Variants in ZNF704 observed in about 807,000 individuals in gnomAD.
ZNF704 encodes the protein glucocorticoid induced gene 1.
ZNF704 carries 10 observed loss-of-function variants against 44.7 expected under a neutral mutation model. The ratio of observed to expected loss-of-function variants is 0.22; its 90% confidence interval spans 0.14 to 0.38. The LOEUF (loss-of-function observed/expected upper bound fraction) is 0.38. ZNF704 is among the 10% of genes least tolerant of loss of function. The probability of loss-of-function intolerance (pLI) is 1.00; values close to 1 mark genes in which losing one functional copy is unlikely to be tolerated. For synonymous variants in ZNF704, 211 were observed against 207.6 expected, an observed-to-expected ratio of 1.02 and a Z score of -0.14; for missense variants, 390 against 545.5, an observed-to-expected ratio of 0.71 and a Z score of 2.84.
At chr8:80,718,793 T>A (rs1463599679) in intron 2 of ZNF704, among the ~76,000 whole-genome samples, 1 of 152,224 alleles carries the variant, frequency 6.6e-6, no homozygotes, top group Non-Finnish European at 1.5e-5. Flanking sequence ...AGCATTATTA[T>A]GCCAACAGCT....
intron 1 of ZNF704, among the ~76,000 whole-genome samples, chr8:80,859,768 G>A (rs2130032946): frequency 6.6e-6 from 1 of 152,210 alleles, no homozygotes; most frequent in Non-Finnish European, 1.5e-5. Flanking sequence ...CTTTGACTGT[G>A]CCTCCTTCTA....
At chr8:80,730,496 G>A (rs940229189) in intron 2 of ZNF704, among the ~76,000 whole-genome samples, 6 of 140,976 alleles carry the variant, frequency 4.3e-5, no homozygotes, top group Non-Finnish European at 9.0e-5. Context: ...CCGAGGTCGT[G>A]CCATTGCACT....
intron 2 of ZNF704, among the ~76,000 whole-genome samples, chr8:80,802,623 T>C (rs1807921133): frequency 6.6e-6 from 1 of 152,122 alleles, no homozygotes; most frequent in Admixed American, 6.5e-5. Flanking sequence ...GAAAAGGCCT[T>C]TGATAAAATT....
intron 2 of ZNF704, chr8:80,749,599 C>T (rs1806906790): frequency 1.3e-5 from 2 of 153,252 alleles, no homozygotes; most frequent in African/African-American, 4.8e-5. Flanking sequence ...TGCCCAACTA[C>T]CAAAAATTAC....
intron 2 of ZNF704, among the ~76,000 whole-genome samples, chr8:80,766,595 T>C (rs994708258): frequency 1.3e-5 from 2 of 152,242 alleles, no homozygotes; most frequent in Non-Finnish European, 2.9e-5. Context: ...GTGGATCCTT[T>C]ATATTGTTTG....
intron 1 of ZNF704, among the ~76,000 whole-genome samples, chr8:80,870,983 G>A (rs1376512362): frequency 1.3e-5 from 2 of 152,022 alleles, no homozygotes; most frequent in African/African-American, 2.4e-5. Context: ...TTACATCATG[G>A]TCTCATCCTG....
intron 2 of ZNF704, among the ~76,000 whole-genome samples, chr8:80,760,732 T>C (rs1443382443): frequency 6.6e-6 from 1 of 151,444 alleles, no homozygotes; most frequent in Non-Finnish European, 1.5e-5. Context: ...AGAGGTTTCA[T>C]TTATAAAGAA....
intron 2 of ZNF704, among the ~76,000 whole-genome samples, chr8:80,750,465 T>C (rs1175837545): frequency 1.3e-5 from 2 of 152,140 alleles, no homozygotes; most frequent in Non-Finnish European, 2.9e-5. Flanking sequence ...AGATAATTTA[T>C]ATCCTTTTCC....
At chr8:80,746,071 G>C (rs1360453351) in intron 2 of ZNF704, among the ~76,000 whole-genome samples, 1 of 152,138 alleles carries the variant, frequency 6.6e-6, no homozygotes, top group East Asian at 1.9e-4. Flanking sequence ...GAAACTGACA[G>C]CTTCTTATAA....
chr8:80,860,957 T>TGG (rs199692985), intron 1 of ZNF704, among the ~76,000 whole-genome samples: 4 of 151,920 alleles, frequency 2.6e-5, no homozygotes, highest in African/African-American at 7.3e-5. Context: ...AGATGGGTGG[T>TGG]GGGGGGGCAG....
At chr8:80,669,916 A>C (rs1007265108) in intron 5 of ZNF704, among the ~76,000 whole-genome samples, 1 of 152,202 alleles carries the variant, frequency 6.6e-6, no homozygotes, top group Non-Finnish European at 1.5e-5. Context: ...AAAAGTACAG[A>C]TTTTACAAAT....
intron 6 of ZNF704, among the ~76,000 whole-genome samples, chr8:80,663,150 T>A (rs1012755338): frequency 6.6e-6 from 1 of 151,940 alleles, no homozygotes; most frequent in African/African-American, 2.4e-5. Flanking sequence ...GAGGCCAACA[T>A]GGGAGGACTG....
At chr8:80,754,477 C>T (rs559076369) in intron 2 of ZNF704, among the ~76,000 whole-genome samples, 70 of 152,232 alleles carry the variant, frequency 4.6e-4, no homozygotes, top group Admixed American at 7.8e-4. Flanking sequence ...CTTAAAATTA[C>T]GAAATGATAT....
intron 1 of ZNF704, among the ~76,000 whole-genome samples, chr8:80,822,797 G>A (rs1188251098): frequency 2.6e-5 from 4 of 152,224 alleles, no homozygotes; most frequent in Non-Finnish European, 5.9e-5. Context: ...CTGATGACCA[G>A]TGATGATGAG....
chr8:80,786,096 T>TA (rs145226007), intron 2 of ZNF704, among the ~76,000 whole-genome samples: 9,167 of 151,952 alleles, frequency 0.06, 317 homozygotes, highest in Middle Eastern at 0.13. Flanking sequence ...TCTGTCTCTA[T>TA]AAAAAAACCC....
At chr8:80,782,516 G>A (rs1182880688) in intron 2 of ZNF704, among the ~76,000 whole-genome samples, 1 of 152,142 alleles carries the variant, frequency 6.6e-6, no homozygotes, top group East Asian at 1.9e-4. Flanking sequence ...ATGTCCAGAT[G>A]AATACAAGAG....
At chr8:80,779,786 G>A (rs1334399767) in intron 2 of ZNF704, among the ~76,000 whole-genome samples, 8 of 151,656 alleles carry the variant, frequency 5.3e-5, no homozygotes, top group Admixed American at 4.6e-4. Flanking sequence ...CAGGATAACC[G>A]TCTTTTTTAA....
chr8:80,759,783 T>A (rs907712535), intron 2 of ZNF704, among the ~76,000 whole-genome samples: 3 of 151,146 alleles, frequency 2.0e-5, no homozygotes, highest in African/African-American at 7.3e-5. Context: ...TGGGACAGGA[T>A]CTTGCTCTGT....
intron 2 of ZNF704, among the ~76,000 whole-genome samples, chr8:80,799,325 T>C (rs1336667481): frequency 1.3e-5 from 2 of 152,242 alleles, no homozygotes; most frequent in Non-Finnish European, 2.9e-5. Flanking sequence ...TGTTTTATAA[T>C]TGAATTGAAT....
Sources: gnomAD v4.1 joint callset for allele counts (sites outside exome capture counted in the v4.1 genomes callset) on GRCh38, gnomAD v4.1.1 for gene constraint, MANE v1.5 for transcripts, NCBI Gene and HGNC (gene_info 2026-07-23, HGNC 2026-07-21) for gene names.